The following KIAA1217 variants were observed in gnomAD, a reference collection of about 807,000 sequenced individuals.
KIAA1217 encodes KIAA1217.
Under a neutral mutation model 163.9 loss-of-function variants are expected in KIAA1217, and 88 were observed. The observed-to-expected ratio is 0.54, with a 90% CI of 0.45 to 0.64. The LOEUF (loss-of-function observed/expected upper bound fraction) is 0.64. Among genes scored for constraint, KIAA1217 ranks in the 30% least tolerant of loss-of-function variants. The pLI is 0.00. For synonymous variants in KIAA1217, 903 were observed against 923.1 expected, an observed-to-expected ratio of 0.98 and a Z score of 0.39; for missense variants, 2,372 against 2,475.0, an observed-to-expected ratio of 0.96 and a Z score of 0.88.
At chr10:23,938,833 A>G (rs1395890351) in intron 1 of KIAA1217, among the ~76,000 whole-genome samples, 1 of 152,224 alleles carries the variant, frequency 6.6e-6, no homozygotes. Flanking sequence ...GCCATATTCA[A>G]CAAGGTAAAC....
intron 1 of KIAA1217, among the ~76,000 whole-genome samples, chr10:23,706,634 CA>C (rs1402942269): frequency 6.6e-6 from 1 of 152,096 alleles, no homozygotes; most frequent in Non-Finnish European, 1.5e-5. Flanking sequence ...TTATGTTGTA[CA>C]ATCCTTTTCA....
At position 24,295,401 on chromosome 10, in the gene KIAA1217, C is replaced by T. The variant is rs567914618; in HGVS notation, c.354+75492C>T. Reference sequence around the variant, plus strand: ...TCAGATATAAATAGTTCAGCATTTTCGTTTCTTATCAAAGATTTATGACTG... The same window carrying T: ...TCAGATATAAATAGTTCAGCATTTTTGTTTCTTATCAAAGATTTATGACTG... On this transcript the variant is annotated intron_variant, in intron 2 of 20. Transcript: ENST00000376454. Among the ~76,000 whole-genome samples the T allele has an allele frequency of 1.0e-3, 154 of 152,256 alleles. 1 individual carries two copies. Among genetic ancestry groups the T allele is most frequent in the African/African-American group, 3.7e-3 (152 of 41,552 alleles).
chr10:24,158,102 A>C (rs934263680), intron 2 of KIAA1217: 1 of 755,126 alleles, frequency 1.3e-6, no homozygotes, highest in Non-Finnish European at 2.5e-6. Flanking sequence ...TCCACAAGTT[A>C]GAAGTATATA....
intron 2 of KIAA1217, among the ~76,000 whole-genome samples, chr10:24,251,400 C>CAAAAAAAAAAAAAAAAAAAAAAAA (rs55668887): frequency 1.1e-5 from 1 of 90,536 alleles, no homozygotes; most frequent in Non-Finnish European, 2.2e-5. Flanking sequence ...GACACTGTCT[C>CAAAAAAAAAAAAAAAAAAAAAAAA]AAAAAAAAAA....
intron 1 of KIAA1217, among the ~76,000 whole-genome samples, chr10:23,770,615 G>T (rs1485512751): frequency 6.6e-6 from 1 of 152,162 alleles, no homozygotes; most frequent in African/African-American, 2.4e-5. Context: ...AGTCTAAAAA[G>T]TTAGTGTCCA....
At position 24,405,225 on chromosome 10, in the gene KIAA1217, A is replaced by G. The variant is rs72776752; in HGVS notation, c.553+24158A>G. Among the ~76,000 whole-genome samples the G allele has an allele frequency of 6.2e-3, 946 of 152,300 alleles. 7 individuals carry two copies. Among genetic ancestry groups the G allele is most frequent in the Non-Finnish European group, 0.011 (744 of 68,024 alleles). On this transcript the variant is annotated intron_variant, in intron 3 of 20. Transcript: ENST00000376454. ...AGTTTTGTTATTGCCCTATAGTTAT[A>G]TAATTGGGGGAGGGAGGGCAAAGAG...
intron 2 of KIAA1217, among the ~76,000 whole-genome samples, chr10:24,361,551 C>T (rs1011376151): frequency 1.3e-5 from 2 of 152,172 alleles, no homozygotes; most frequent in Admixed American, 6.5e-5. Context: ...CCTCCTGTTA[C>T]ATGATAGCTA....
chr10:24,460,748 T>G (rs2062317176), intron 5 of KIAA1217, among the ~76,000 whole-genome samples: 1 of 152,166 alleles, frequency 6.6e-6, no homozygotes, highest in Non-Finnish European at 1.5e-5. Flanking sequence ...CATATCCTAC[T>G]GAGATCAATA....
intron 2 of KIAA1217, among the ~76,000 whole-genome samples, chr10:24,271,202 A>C (rs1254471351): frequency 1.3e-5 from 2 of 152,102 alleles, no homozygotes; most frequent in Admixed American, 6.6e-5. Context: ...CTTATTTTCT[A>C]TTTTGATTGA....
chr10:24,169,156 T>C (rs906654029), intron 2 of KIAA1217, among the ~76,000 whole-genome samples: 9 of 152,244 alleles, frequency 5.9e-5, no homozygotes, highest in Non-Finnish European at 8.8e-5. Flanking sequence ...ATGTTGATCT[T>C]CATTTATTAT....
intron 1 of KIAA1217, among the ~76,000 whole-genome samples, chr10:23,856,491 C>A (rs1418002369): frequency 6.6e-6 from 1 of 152,248 alleles, no homozygotes; most frequent in Non-Finnish European, 1.5e-5. Context: ...AGGCAGTCTG[C>A]CGGTTCTCAG....
chr10:23,735,479 A>G (rs886855448), intron 1 of KIAA1217, among the ~76,000 whole-genome samples: 11 of 152,090 alleles, frequency 7.2e-5, no homozygotes, highest in African/African-American at 1.7e-4. Context: ...TTATAAATCT[A>G]TGGAAGTAAA....
intron 2 of KIAA1217, among the ~76,000 whole-genome samples, chr10:24,175,584 A>AT (rs2065843118): frequency 6.6e-6 from 1 of 152,054 alleles, no homozygotes. Flanking sequence ...TGTGTACGGA[A>AT]TTGGTGGGTT....
intron 2 of KIAA1217, among the ~76,000 whole-genome samples, chr10:24,249,960 G>A (rs2074282610): frequency 6.6e-6 from 1 of 152,176 alleles, no homozygotes; most frequent in African/African-American, 2.4e-5. Context: ...AGGAATCAAT[G>A]ACTGACTTCT....
chr10:24,000,141 C>G (rs1233663057), intron 1 of KIAA1217, among the ~76,000 whole-genome samples: 2 of 152,176 alleles, frequency 1.3e-5, no homozygotes, highest in African/African-American at 4.8e-5. Context: ...TAATTTCTAG[C>G]ATTGTATACT....
At chr10:24,513,721 C>T (rs192920645) in intron 10 of KIAA1217, among the ~76,000 whole-genome samples, 46 of 149,426 alleles carry the variant, frequency 3.1e-4, no homozygotes, top group African/African-American at 1.1e-3. Context: ...GAGGCTGAGG[C>T]GGGAGGATTG....
chr10:23,943,081 C>T (rs1026293235), intron 1 of KIAA1217, among the ~76,000 whole-genome samples: 12 of 151,816 alleles, frequency 7.9e-5, no homozygotes, highest in African/African-American at 2.2e-4. Flanking sequence ...GTTATGATCA[C>T]GCCACTGCAA....
chr10:24,295,519 GT>G (rs1390782434), intron 2 of KIAA1217, among the ~76,000 whole-genome samples: 1 of 152,044 alleles, frequency 6.6e-6, no homozygotes, highest in Non-Finnish European at 1.5e-5. Context: ...CCCTTTGTTT[GT>G]TTCTCCCACT....
chr10:24,392,370 T>C (rs1211854434), intron 3 of KIAA1217, among the ~76,000 whole-genome samples: 3 of 152,222 alleles, frequency 2.0e-5, no homozygotes, highest in Admixed American at 1.3e-4. Flanking sequence ...TGTGGCTATA[T>C]CTTTACCATA....
Sources: allele counts gnomAD v4.1 joint callset (sites outside exome capture counted in the v4.1 genomes callset), GRCh38; gene constraint gnomAD v4.1.1; transcripts MANE v1.5; gene names NCBI Gene and HGNC (gene_info 2026-07-23, HGNC 2026-07-21).